Variants in RGS6 observed in about 807,000 individuals in gnomAD.
RGS6 encodes the protein regulator of G protein signaling 6.
A neutral mutation model predicts 78.5 loss-of-function variants in RGS6; 30 were observed. That is an observed-to-expected ratio of 0.38 (90% confidence interval 0.29 to 0.52). The LOEUF is 0.52. Among genes scored for constraint, RGS6 ranks in the 20% least tolerant of loss-of-function variants. RGS6 has a pLI of 0.85. For synonymous variants in RGS6, 206 were observed against 206.0 expected, an observed-to-expected ratio of 1.00 and a Z score of 0.00; for missense variants, 495 against 609.7, an observed-to-expected ratio of 0.81 and a Z score of 1.98.
In RGS6 at chr14:71,992,433, TGC is replaced by T. The variant is rs201676532; in HGVS notation, c.84+27561_84+27562del. ...GCTAATGTTGTTTGAGGCCTTACTC[TGC>T]GCTTGCAACATTGCTTCGTTTGTTC... is the stretch of plus-strand genomic sequence containing the variant. On this transcript the variant is annotated intron_variant, in intron 2 of 17. Transcript: ENST00000553525. Among the ~76,000 whole-genome samples the T allele has an allele frequency of 8.2e-3, 1,246 of 152,326 alleles. 23 individuals carry two copies. Among genetic ancestry groups the T allele is most frequent in the African/African-American group, 0.029 (1,187 of 41,566 alleles).
At chr14:72,136,154 C>T (rs1381998628) in intron 2 of RGS6, among the ~76,000 whole-genome samples, 1 of 152,144 alleles carries the variant, frequency 6.6e-6, no homozygotes, top group Non-Finnish European at 1.5e-5. Flanking sequence ...ATGCAGTGGA[C>T]TGACACCACC....
At chr14:72,503,500 T>C (rs1282022626) in intron 13 of RGS6, among the ~76,000 whole-genome samples, 3 of 145,908 alleles carry the variant, frequency 2.1e-5, no homozygotes, top group South Asian at 4.5e-4. Context: ...TGTGAACTTG[T>C]GAAACCAAAC....
Position 72,144,900 on chromosome 14 carries a change from T to C in RGS6, c.84+180025T>C, listed in dbSNP as rs1213720434. On this transcript the variant is annotated intron_variant, in intron 2 of 17. Coordinates refer to ENST00000553525, the MANE Select transcript of RGS6 (RefSeq NM_001204424.2). Reference sequence around the variant, plus strand: ...GCAGGAATGAGAGTTTTATTATTACTGAAATCAGTCTCCTGAAGCATTCAG... The same window carrying C: ...GCAGGAATGAGAGTTTTATTATTACCGAAATCAGTCTCCTGAAGCATTCAG... 2.0e-5 allele frequency among the ~76,000 whole-genome samples: 3 copies of C among 152,204 alleles called. No homozygotes were observed. The East Asian group carries it at 5.8e-4, about 29-fold the overall frequency.
chr14:72,429,213 G>A (rs576919530), intron 3 of RGS6, among the ~76,000 whole-genome samples: 4 of 152,194 alleles, frequency 2.6e-5, no homozygotes, highest in African/African-American at 9.6e-5. Flanking sequence ...GATAAAAAAA[G>A]GGATGTGCAT....
At chr14:72,474,412 C>A (rs1390059511) in intron 9 of RGS6, among the ~76,000 whole-genome samples, 3 of 152,138 alleles carry the variant, frequency 2.0e-5, no homozygotes, top group African/African-American at 7.2e-5. Flanking sequence ...GTACACTATA[C>A]CCTCTACATA....
intron 2 of RGS6, among the ~76,000 whole-genome samples, chr14:72,097,740 A>G (rs529306789): frequency 4.7e-5 from 7 of 150,222 alleles, no homozygotes; most frequent in African/African-American, 1.7e-4. Flanking sequence ...TGGCTTCTGC[A>G]TGCAGCCCAC....
intron 2 of RGS6, among the ~76,000 whole-genome samples, chr14:72,052,926 T>C (rs1054389751): frequency 1.6e-4 from 2 of 12,446 alleles, no homozygotes; most frequent in African/African-American, 5.9e-4. Flanking sequence ...TCATTGTATT[T>C]TTCTTTCTTT....
intron 13 of RGS6, among the ~76,000 whole-genome samples, chr14:72,500,747 A>G (rs2096713190): frequency 6.6e-6 from 1 of 152,124 alleles, no homozygotes; most frequent in African/African-American, 2.4e-5. Flanking sequence ...AAACGAGACA[A>G]ATGTATTCTC....
chr14:71,970,787 G>C (rs142570990), intron 2 of RGS6, among the ~76,000 whole-genome samples: 1 of 152,288 alleles, frequency 6.6e-6, no homozygotes, highest in Non-Finnish European at 1.5e-5. Flanking sequence ...TGGGGAACTA[G>C]ACAATTACAG....
intron 3 of RGS6, among the ~76,000 whole-genome samples, chr14:72,394,461 C>T (rs868606227): frequency 2.0e-5 from 3 of 152,188 alleles, no homozygotes; most frequent in Middle Eastern, 6.8e-3. Context: ...TCTTATCAAC[C>T]GTAAAAGACA....
rs149507612 is a variant in RGS6 at position 72,397,812 on chromosome 14, G to A, written c.184+45618G>A. ...TTTCTACATCTTTTGAGATAATCAT[G>A]TGGTTTTTGTCTTTGGTTCTGTTTA... On this transcript the variant is annotated intron_variant, in intron 3 of 17. Transcript: ENST00000553525. 3.4e-3 allele frequency among the ~76,000 whole-genome samples: 523 copies of A among 152,304 alleles called. 2 individuals carry two copies. The highest frequency in any genetic ancestry group is 0.012 in the African/African-American group (499 of 41,556).
At chr14:72,361,021 G>A (rs1257926206) in intron 3 of RGS6, among the ~76,000 whole-genome samples, 2 of 150,270 alleles carry the variant, frequency 1.3e-5, no homozygotes, top group East Asian at 2.0e-4. Flanking sequence ...TTCCCTTTTC[G>A]CCATGATTGT....
chr14:72,160,316 C>A (rs2096834976), intron 2 of RGS6, among the ~76,000 whole-genome samples: 2 of 150,884 alleles, frequency 1.3e-5, no homozygotes, highest in South Asian at 4.2e-4. Flanking sequence ...ATCAAATCAA[C>A]CTGTGAAATT....
At chr14:72,604,848 A>G in the RGS6 span, among the ~76,000 whole-genome samples, 1 of 152,058 alleles carries the variant, frequency 6.6e-6, no homozygotes, top group Non-Finnish European at 1.5e-5. Context: ...AGCGTTTCAT[A>G]TTTCTCTGTT....
the RGS6 span, among the ~76,000 whole-genome samples, chr14:71,868,041 T>C: frequency 6.6e-6 from 1 of 152,150 alleles, no homozygotes; most frequent in African/African-American, 2.4e-5. Flanking sequence ...AGAAAAGTAG[T>C]TACAACCAAC....
At chr14:72,167,565 A>G (rs1471513012) in intron 2 of RGS6, among the ~76,000 whole-genome samples, 2 of 152,228 alleles carry the variant, frequency 1.3e-5, no homozygotes, top group African/African-American at 4.8e-5. Context: ...GTATTTCTAC[A>G]TAACAGTTCT....
chr14:72,052,925 TTTTCTTTCTTTCTTTCTTTC>T (rs759527358), intron 2 of RGS6, among the ~76,000 whole-genome samples: 27 of 120,428 alleles, frequency 2.2e-4, no homozygotes, highest in African/African-American at 6.2e-4. Flanking sequence ...TTCATTGTAT[TTTTCTTTCTTTCTTTCTTTC>T]TTTCTTTCTT....
chr14:72,001,729 TC>T (rs1251277960), intron 2 of RGS6, among the ~76,000 whole-genome samples: 3 of 152,042 alleles, frequency 2.0e-5, no homozygotes, highest in Non-Finnish European at 4.4e-5. Context: ...TGAGTACTTT[TC>T]CCCTGGTGGA....
chr14:72,609,959 T>C, the RGS6 span, among the ~76,000 whole-genome samples: 3 of 151,886 alleles, frequency 2.0e-5, no homozygotes, highest in Admixed American at 6.6e-5. Context: ...GTGGGGAGGG[T>C]GTTCAAAAGA....
Sources: allele counts gnomAD v4.1 joint callset (sites outside exome capture counted in the v4.1 genomes callset), GRCh38; gene constraint gnomAD v4.1.1; transcripts MANE v1.5; gene names NCBI Gene and HGNC (gene_info 2026-07-23, HGNC 2026-07-21).